IMMP2L: variants seen among roughly 807,000 people sequenced by gnomAD.
IMMP2L encodes the protein inner mitochondrial membrane peptidase subunit 2.
A neutral mutation model predicts 19.3 loss-of-function variants in IMMP2L; 18 were observed. That is an observed-to-expected ratio of 0.93 (90% CI 0.64 to 1.38). The LOEUF (loss-of-function observed/expected upper bound fraction) is 1.38, where lower values mean the gene tolerates loss of function less well. Among genes scored for constraint, IMMP2L ranks in the 40% most tolerant of loss-of-function variants. The pLI is 0.00. For missense variants in IMMP2L, 233 were observed against 218.2 expected, an observed-to-expected ratio of 1.07 and a Z score of -0.43; for synonymous variants, 76 against 73.0, an observed-to-expected ratio of 1.04 and a Z score of -0.21.
At chr7:111,533,058 T>C (rs984721437) in intron 1 of IMMP2L, among the ~76,000 whole-genome samples, 8 of 152,060 alleles carry the variant, frequency 5.3e-5, no homozygotes, top group African/African-American at 1.9e-4. Flanking sequence ...TAGCAGCATA[T>C]GTTAAAAAAG....
intron 3 of IMMP2L, among the ~76,000 whole-genome samples, chr7:111,293,929 A>C (rs1402043862): frequency 6.6e-6 from 1 of 152,002 alleles, no homozygotes; most frequent in East Asian, 1.9e-4. Context: ...TCATGCAATC[A>C]AGTTAGTAGG....
At chr7:111,558,322 C>T (rs960533799) in intron 1 of IMMP2L, among the ~76,000 whole-genome samples, 1 of 152,184 alleles carries the variant, frequency 6.6e-6, no homozygotes, top group African/African-American at 2.4e-5. Context: ...TCCAATGGAG[C>T]CACAGGTCCA....
chr7:110,669,108 T>TAGAGAGAGAGAG (rs1439111205), intron 5 of IMMP2L, among the ~76,000 whole-genome samples: 1 of 142,110 alleles, frequency 7.0e-6, no homozygotes, highest in African/African-American at 2.6e-5. Context: ...TATATATATA[T>TAGAGAGAGAGAG]AGAGAGAGAG....
At chr7:111,481,263 T>C (rs1842161127) in intron 3 of IMMP2L, among the ~76,000 whole-genome samples, 1 of 152,150 alleles carries the variant, frequency 6.6e-6, no homozygotes, top group African/African-American at 2.4e-5. Context: ...GATGTAGACA[T>C]ACCAGGGCCA....
At chr7:111,072,901 CAAA>C (rs34223033) in intron 3 of IMMP2L, among the ~76,000 whole-genome samples, 6 of 72,896 alleles carry the variant, frequency 8.2e-5, no homozygotes, top group Admixed American at 1.5e-4. Flanking sequence ...AGACTGTCTC[CAAA>C]AAAAAAAAAA....
chr7:111,427,636 T>C (rs977958895), intron 3 of IMMP2L, among the ~76,000 whole-genome samples: 1 of 151,798 alleles, frequency 6.6e-6, no homozygotes, highest in African/African-American at 2.4e-5. Flanking sequence ...ACTGTTTCTA[T>C]TCAGAGTGCC....
At chr7:110,809,833 A>G (rs1216023201) in intron 5 of IMMP2L, among the ~76,000 whole-genome samples, 1 of 152,050 alleles carries the variant, frequency 6.6e-6, no homozygotes, top group Non-Finnish European at 1.5e-5. Context: ...CTACTATCCA[A>G]TGACACCAAA....
At chr7:111,011,390 G>A (rs771126794) in intron 3 of IMMP2L, among the ~76,000 whole-genome samples, 24 of 152,068 alleles carry the variant, frequency 1.6e-4, no homozygotes, top group Non-Finnish European at 2.9e-4. Context: ...AGGTAGCTGT[G>A]TTATTATTAA....
At chr7:111,217,071 C>T (rs913237707) in intron 3 of IMMP2L, among the ~76,000 whole-genome samples, 10 of 150,180 alleles carry the variant, frequency 6.7e-5, no homozygotes, top group Admixed American at 6.0e-4. Flanking sequence ...CATTCCTCAT[C>T]TTCTGATCTC....
chr7:111,560,888 C>A (rs1404112205), intron 1 of IMMP2L, among the ~76,000 whole-genome samples: 1 of 152,196 alleles, frequency 6.6e-6, no homozygotes. Context: ...CAAATAGGCA[C>A]GTTCAGGACA....
intron 3 of IMMP2L, among the ~76,000 whole-genome samples, chr7:111,125,817 CTTTTTT>C (rs1217257175): frequency 1.9e-3 from 189 of 100,162 alleles, no homozygotes; most frequent in African/African-American, 6.1e-3. Context: ...AGGCCGCTTG[CTTTTTT>C]TTTTTTTTTT....
intron 3 of IMMP2L, among the ~76,000 whole-genome samples, chr7:111,087,626 T>C (rs1373786209): frequency 6.6e-6 from 1 of 152,098 alleles, no homozygotes; most frequent in East Asian, 1.9e-4. Context: ...TTTATATGCA[T>C]TGTGGAGCTT....
chr7:110,681,475 A>AAG (rs2130447704), intron 5 of IMMP2L, among the ~76,000 whole-genome samples: 1 of 152,324 alleles, frequency 6.6e-6, no homozygotes, highest in African/African-American at 2.4e-5. Flanking sequence ...GACTTGTAGC[A>AAG]GCAGGGCATG....
At chr7:111,125,663 A>G (rs1315624348) in intron 3 of IMMP2L, among the ~76,000 whole-genome samples, 1 of 152,102 alleles carries the variant, frequency 6.6e-6, no homozygotes, top group Non-Finnish European at 1.5e-5. Context: ...TATTGACAGA[A>G]ACTCTAGGAA....
rs1819180558 is a variant in IMMP2L at position 110,963,458 on chromosome 7, G to C, written c.305+42C>G. 4.4e-6 allele frequency: 6 copies of C among 1,364,810 alleles called. No homozygotes were observed. In the East Asian group the frequency reaches 1.4e-4, roughly 32 times the overall value. 84.5% of individuals were successfully genotyped at this position (1,364,810 alleles called of 1,614,324 possible). A position where few individuals can be genotyped will look rare whatever the true frequency, so the allele number is the denominator to read the frequency against. On this transcript the variant is annotated intron_variant, in intron 4 of 5. Coordinates refer to ENST00000405709, the MANE Select transcript of IMMP2L (RefSeq NM_032549.4). ...AAGTAATGTAGGTAACAGAACTCTA[G>C]ATATTTAAAACTTGAACTCAGAAAC...
At chr7:111,221,329 A>G (rs1340698952) in intron 3 of IMMP2L, among the ~76,000 whole-genome samples, 1 of 152,110 alleles carries the variant, frequency 6.6e-6, no homozygotes, top group Non-Finnish European at 1.5e-5. Context: ...TTTTAAAAAT[A>G]TGTATTAGAA....
intron 3 of IMMP2L, among the ~76,000 whole-genome samples, chr7:111,019,992 T>C (rs1233114018): frequency 2.0e-5 from 3 of 151,948 alleles, no homozygotes; most frequent in Non-Finnish European, 2.9e-5. Context: ...AGCTCTTAGA[T>C]GTCACTTGTA....
At chr7:110,888,517 A>G (rs895550981) in intron 4 of IMMP2L, among the ~76,000 whole-genome samples, 5 of 152,204 alleles carry the variant, frequency 3.3e-5, no homozygotes, top group African/African-American at 1.2e-4. Context: ...CCAGCATAAA[A>G]TCATTTCTGC....
intron 3 of IMMP2L, among the ~76,000 whole-genome samples, chr7:111,151,515 A>C (rs930280868): frequency 2.6e-5 from 4 of 152,214 alleles, no homozygotes; most frequent in Non-Finnish European, 5.9e-5. Flanking sequence ...AATTGAAACT[A>C]TATTTAAGGG....
Sources: gnomAD v4.1 joint callset for allele counts (sites outside exome capture counted in the v4.1 genomes callset) on GRCh38, gnomAD v4.1.1 for gene constraint, MANE v1.5 for transcripts, NCBI Gene and HGNC (gene_info 2026-07-23, HGNC 2026-07-21) for gene names.